Variants in RARB observed in about 807,000 individuals in gnomAD.
The protein encoded by RARB is HBV-activated protein.
RARB carries 17 observed loss-of-function variants against 51.9 expected under a neutral mutation model. The ratio of observed to expected loss-of-function variants is 0.33; its 90% confidence interval spans 0.22 to 0.49. The LOEUF (loss-of-function observed/expected upper bound fraction) is 0.49, where lower values mean the gene tolerates loss of function less well. Ranked by LOEUF, RARB falls within the 20% of genes least tolerant of loss-of-function variation. RARB has a pLI of 0.99. For synonymous variants in RARB, 215 were observed against 195.4 expected (o/e 1.10, Z -0.84); for missense variants, 369 against 550.8 (o/e 0.67, Z 3.30).
intron 3 of RARB, among the ~76,000 whole-genome samples, chr3:25,086,360 CTG>C (rs2125315044): frequency 1.3e-5 from 2 of 152,256 alleles, no homozygotes; most frequent in South Asian, 4.1e-4. Flanking sequence ...TCTTTGTGTA[CTG>C]TGTCATTTGA....
intron 5 of RARB, among the ~76,000 whole-genome samples, chr3:25,180,671 T>C (rs1700843481): frequency 6.6e-6 from 1 of 152,196 alleles, no homozygotes; most frequent in Admixed American, 6.5e-5. Context: ...CAGCGACTCA[T>C]TCTGTCTTTG....
At chr3:25,077,806 T>C (rs1295773451) in intron 3 of RARB, among the ~76,000 whole-genome samples, 2 of 152,186 alleles carry the variant, frequency 1.3e-5, no homozygotes, top group Non-Finnish European at 2.9e-5. Context: ...CAATACTGTC[T>C]GTGATGAATA....
At position 24,873,697 on chromosome 3, in the gene RARB, G is replaced by A. The variant is rs181014547; in HGVS notation, c.-380+14945G>A. On this transcript the variant is annotated intron_variant, in intron 2 of 11. Coordinates refer to the RARB transcript ENST00000383772. The stretch of plus-strand genomic sequence containing the variant: ...TTTCTAGATATACATATAATTTACA[G>A]CTATAAATTTTCCCCAAATGAGTGA... Among the ~76,000 whole-genome samples, 36 of 150,426 alleles carry A rather than the reference G, an allele frequency of 2.4e-4. No homozygotes were observed. The East Asian group carries it at 5.9e-3, about 24-fold the overall frequency.
chr3:25,177,085 A>G (rs1009909554), intron 5 of RARB, among the ~76,000 whole-genome samples: 1 of 152,220 alleles, frequency 6.6e-6, no homozygotes, highest in East Asian at 1.9e-4. Flanking sequence ...ATCAAAGATT[A>G]CTTACTTCAT....
chr3:25,319,574 C>G (rs1704512122), intron 5 of RARB, among the ~76,000 whole-genome samples: 1 of 152,156 alleles, frequency 6.6e-6, no homozygotes, highest in Admixed American at 6.5e-5. Context: ...CCATAAAAAC[C>G]CACGAATGAG....
At chr3:25,331,089 C>A (rs888006160) in intron 5 of RARB, among the ~76,000 whole-genome samples, 1 of 152,134 alleles carries the variant, frequency 6.6e-6, no homozygotes, top group Admixed American at 6.5e-5. Context: ...GACTTTAACA[C>A]CCCACTGTCA....
chr3:25,372,224 G>C (rs1399329008), intron 5 of RARB, among the ~76,000 whole-genome samples: 2 of 152,176 alleles, frequency 1.3e-5, no homozygotes, highest in Non-Finnish European at 2.9e-5. Flanking sequence ...GGCACTATTG[G>C]CATTTCATTC....
chr3:24,892,009 G>A (rs559358133), intron 2 of RARB, among the ~76,000 whole-genome samples: 2 of 152,124 alleles, frequency 1.3e-5, no homozygotes, highest in South Asian at 2.1e-4. Flanking sequence ...CAGAGAATAC[G>A]GGTCCCGTGC....
In RARB at chr3:25,297,299, G is replaced by C. The variant is rs992776481; in HGVS notation, c.178+122724G>C. On this transcript the variant is annotated intron_variant, in intron 5 of 11. Transcript: ENST00000383772. ...TAATTAGACCTATAACTGAAACATA[G>C]AATTAGAGGACAAAAGGAGCTTACA... is the stretch of plus-strand genomic sequence containing the variant. 2.0e-5 allele frequency among the ~76,000 whole-genome samples: 3 copies of C among 151,046 alleles called. No individual in the cohort carries two copies. The East Asian group carries it at 5.9e-4, about 30-fold the overall frequency.
intron 5 of RARB, among the ~76,000 whole-genome samples, chr3:25,411,581 C>T (rs1707563704): frequency 6.6e-6 from 1 of 152,196 alleles, no homozygotes. Flanking sequence ...CATCTCTGGC[C>T]TCACGCACTA....
intron 2 of RARB, among the ~76,000 whole-genome samples, chr3:24,874,835 A>AT (rs528607948): frequency 6.6e-6 from 1 of 151,238 alleles, no homozygotes; most frequent in Non-Finnish European, 1.5e-5. Context: ...GTATATTTTC[A>AT]TTTTTTGCCT....
At chr3:24,853,748 T>G (rs1702595063) in intron 1 of RARB, among the ~76,000 whole-genome samples, 1 of 152,214 alleles carries the variant, frequency 6.6e-6, no homozygotes, top group Non-Finnish European at 1.5e-5. Flanking sequence ...ATCTAAGATA[T>G]CAGACATGTT....
At chr3:25,161,237 A>C (rs1275636596) in intron 4 of RARB, among the ~76,000 whole-genome samples, 1 of 151,024 alleles carries the variant, frequency 6.6e-6, no homozygotes, top group African/African-American at 2.4e-5. Context: ...TAGTAGAGAC[A>C]GGGTTTCGCT....
chr3:25,193,163 A>G lies in RARB; in HGVS notation c.178+18588A>G, dbSNP rs118153381. Among the ~76,000 whole-genome samples, 336 of 152,110 alleles carry G rather than the reference A, an allele frequency of 2.2e-3. 3 individuals carry two copies. Among genetic ancestry groups the G allele is most frequent in the East Asian group, 0.021 (106 of 5,148 alleles). ...GTCCCATCAACCTCCTTTTAATCTT[A>G]ACTTTTTGGCTTAGTTGTGTGTCTC... On this transcript the variant is annotated intron_variant, in intron 5 of 11. Transcript: ENST00000383772.
At chr3:25,236,514 A>G (rs1702303351) in intron 5 of RARB, among the ~76,000 whole-genome samples, 1 of 152,132 alleles carries the variant, frequency 6.6e-6, no homozygotes, top group Admixed American at 6.5e-5. Flanking sequence ...TTATCTTACT[A>G]GTACAAAGAA....
chr3:25,597,639 C>CAACT lies in RARB; in HGVS notation c.*1024_*1027dup, dbSNP rs55887864. Reference sequence around the variant, plus strand: ...ATGCCAAGGGGCTAATTAATATTAACAACTCCCAAAGAAACAGGCATAGAA... The same window carrying CAACT: ...ATGCCAAGGGGCTAATTAATATTAACAACTAACTCCCAAAGAAACAGGCATAGAA... On this transcript the variant is annotated 3_prime_UTR_variant, in exon 8 of 8. Transcript: ENST00000330688. 22,685 of 151,428 alleles carry CAACT rather than the reference C, an allele frequency of 0.15. 2,171 individuals carry two copies. Among genetic ancestry groups the CAACT allele is most frequent in the Non-Finnish European group, 0.21 (14,078 of 67,722 alleles). The allele number at this position is 151,428 out of a possible 1,614,324, so 9.4% of individuals were successfully genotyped here. A position where few individuals can be genotyped will look rare whatever the true frequency, so the allele number is the denominator to read the frequency against.
At chr3:25,513,413 A>G (rs1337166039) in intron 3 of RARB, among the ~76,000 whole-genome samples, 2 of 152,178 alleles carry the variant, frequency 1.3e-5, no homozygotes, top group African/African-American at 4.8e-5. Context: ...CTGATCTTCC[A>G]AGAGTTAAGA....
At chr3:24,850,944 T>A (rs1702546928) in intron 1 of RARB, among the ~76,000 whole-genome samples, 2 of 152,348 alleles carry the variant, frequency 1.3e-5, no homozygotes, top group East Asian at 3.9e-4. Flanking sequence ...AAACCTCCTG[T>A]GTCAAACAGG....
At chr3:25,574,984 T>TA (rs1652703548) in intron 4 of RARB, among the ~76,000 whole-genome samples, 1 of 152,088 alleles carries the variant, frequency 6.6e-6, no homozygotes. Flanking sequence ...GTTGTTAACT[T>TA]AGTGAGCCTC....
Sources: allele counts gnomAD v4.1 joint callset (sites outside exome capture counted in the v4.1 genomes callset), GRCh38; gene constraint gnomAD v4.1.1; transcripts MANE v1.5; gene names NCBI Gene and HGNC (gene_info 2026-07-23, HGNC 2026-07-21).